KIRREL3: variants seen among roughly 807,000 people sequenced by gnomAD.
KIRREL3 encodes kin of IRRE-like protein 3.
A neutral mutation model predicts 89.7 loss-of-function variants in KIRREL3; 36 were observed. The ratio of observed to expected loss-of-function variants is 0.40; its 90% CI spans 0.31 to 0.53. The LOEUF (loss-of-function observed/expected upper bound fraction) is 0.53. Among genes scored for constraint, KIRREL3 ranks in the 20% least tolerant of loss-of-function variants. The probability of loss-of-function intolerance (pLI) is 0.49; values close to 1 mark genes in which losing one functional copy is unlikely to be tolerated. For missense variants in KIRREL3, 864 were observed against 1,056.6 expected (o/e 0.82, Z 2.53); for synonymous variants, 445 against 441.4 (o/e 1.01, Z -0.10).
At chr11:126,619,788 A>G (rs1002463841) in intron 1 of KIRREL3, among the ~76,000 whole-genome samples, 3 of 152,114 alleles carry the variant, frequency 2.0e-5, no homozygotes, top group African/African-American at 7.2e-5. Context: ...GGACCTTTTT[A>G]CTCAAGAATT....
chr11:126,786,040 T>C (rs1322429763), intron 1 of KIRREL3, among the ~76,000 whole-genome samples: 1 of 152,080 alleles, frequency 6.6e-6, no homozygotes, highest in Admixed American at 6.6e-5. Context: ...AAAATAATCC[T>C]AAGCACTAAA....
At position 126,627,887 on chromosome 11, in the gene KIRREL3, G is replaced by A. The variant is rs931626587; in HGVS notation, c.56-64975C>T. ...TGAGAGGATAGGTGGGTAGCAGTGT[G>A]GGCAGGAAAACAGCCCAGGAGTTGG... On this transcript the variant is annotated intron_variant, in intron 1 of 16. Coordinates refer to ENST00000525144, the MANE Select transcript of KIRREL3 (RefSeq NM_032531.4). This position sits in a 1 kb window ranked among gnomAD's most constrained non-coding sequence, Gnocchi z 5.0. 1.3e-5 allele frequency among the ~76,000 whole-genome samples: 2 copies of A among 152,174 alleles called. No individual in the cohort carries two copies. Among genetic ancestry groups the A allele is most frequent in the Admixed American group, 6.5e-5 (1 of 15,282 alleles).
chr11:126,937,005 T>G (rs532531541), intron 1 of KIRREL3: 40 of 152,312 alleles, frequency 2.6e-4, no homozygotes, highest in African/African-American at 9.1e-4. Context: ...GAACACTACC[T>G]ATGATTAATT....
chr11:126,659,511 C>A (rs1346975253), intron 1 of KIRREL3, among the ~76,000 whole-genome samples: 4 of 152,196 alleles, frequency 2.6e-5, no homozygotes, highest in Non-Finnish European at 5.9e-5. Context: ...TTGTCCAGAC[C>A]ACCTGATAAA....
rs1231930673 is a variant in KIRREL3, at chr11:126,870,857, A to G, written c.55+129598T>C. ...CCAGTGTAGATCTGGGCCCCTGTAC[A>G]TGTGGCAAGACCTGGAAGTGGGTTC... On this transcript the variant is annotated intron_variant, in intron 1 of 16. Transcript: ENST00000525144. This position sits in a 1 kb window ranked among gnomAD's most constrained non-coding sequence, Gnocchi z 4.4. Among the ~76,000 whole-genome samples, 1 of 121,334 alleles carries G rather than the reference A, an allele frequency of 8.2e-6. No homozygotes were observed. The highest frequency in any genetic ancestry group is 1.8e-5 in the Non-Finnish European group (1 of 54,896). 79.6% of individuals were successfully genotyped at this position (121,334 alleles called of 152,430 possible).
chr11:126,504,095 G>A (rs1363972291), intron 4 of KIRREL3, among the ~76,000 whole-genome samples: 1 of 152,130 alleles, frequency 6.6e-6, no homozygotes, highest in African/African-American at 2.4e-5. Context: ...CCAGAAATGT[G>A]CACATATATT....
chr11:126,980,128 A>G (rs937297029), intron 1 of KIRREL3, among the ~76,000 whole-genome samples: 1 of 152,248 alleles, frequency 6.6e-6, no homozygotes, highest in African/African-American at 2.4e-5. Context: ...CCTTTGAGCC[A>G]AGCCTTGAAA....
intron 1 of KIRREL3, among the ~76,000 whole-genome samples, chr11:126,749,095 G>A (rs780711001): frequency 6.6e-6 from 1 of 152,108 alleles, no homozygotes; most frequent in Non-Finnish European, 1.5e-5. Flanking sequence ...TCACTCCTCT[G>A]AGCCATGAAC....
At chr11:126,629,693 G>A (rs1943938240) in intron 1 of KIRREL3, among the ~76,000 whole-genome samples, 1 of 152,168 alleles carries the variant, frequency 6.6e-6, no homozygotes, top group East Asian at 1.9e-4. Context: ...GGACATGGGC[G>A]GAAATAGGAA....
rs998199591 is a variant in KIRREL3, at chr11:126,600,145, T to C, written c.56-37233A>G. 5.3e-5 allele frequency among the ~76,000 whole-genome samples: 8 copies of C among 152,352 alleles called. No individual in the cohort carries two copies. In the South Asian group the frequency reaches 1.7e-3, roughly 32 times the overall value. On this transcript the variant is annotated intron_variant, in intron 1 of 16. Transcript: ENST00000525144. ...AGCTGCTATATTGGAGAGGCCCATG[T>C]GGCAAGAACTTGAGTGTAGCCTGTA... is the stretch of plus-strand genomic sequence containing the variant.
rs1455877438 is a variant in KIRREL3, at chr11:126,652,092, A to T, written c.56-89180T>A. On this transcript the variant is annotated intron_variant, in intron 1 of 16. Coordinates refer to ENST00000525144, the MANE Select transcript of KIRREL3 (RefSeq NM_032531.4). This position sits in a 1 kb window ranked among gnomAD's most constrained non-coding sequence, Gnocchi z 4.9. ...TCATCAATTCTGGGCCAGGAGGAAG[A>T]TAGGCACTAGTAGGTCTGATCTGTC... 1.3e-5 allele frequency among the ~76,000 whole-genome samples: 2 copies of T among 152,196 alleles called. No homozygotes were observed. Among genetic ancestry groups the T allele is most frequent in the Admixed American group, 6.5e-5 (1 of 15,276 alleles).
chr11:126,942,025 C>T (rs956410065), intron 1 of KIRREL3, among the ~76,000 whole-genome samples: 1 of 152,194 alleles, frequency 6.6e-6, no homozygotes, highest in African/African-American at 2.4e-5. Flanking sequence ...CCAGCTCTGT[C>T]ATTTTCCAGT....
Position 126,916,646 on chromosome 11 carries a change from A to G in KIRREL3, c.55+83809T>C, listed in dbSNP as rs180876742. ...GCTATCCCTTAAAAAGCAAACAAAC[A>G]AAAAACCTGCTAATGTAGATCACGG... On this transcript the variant is annotated intron_variant, in intron 1 of 16. Transcript: ENST00000525144. Among the ~76,000 whole-genome samples, 114 of 152,334 alleles carry G rather than the reference A, an allele frequency of 7.5e-4. 1 individual carries two copies. Among genetic ancestry groups the G allele is most frequent in the Admixed American group, 4.3e-3 (66 of 15,304 alleles).
chr11:126,552,704 G>T (rs901418598), intron 2 of KIRREL3, among the ~76,000 whole-genome samples: 1 of 151,678 alleles, frequency 6.6e-6, no homozygotes, highest in African/African-American at 2.4e-5. Flanking sequence ...GGGATTACAG[G>T]CACCTGCCAC....
intron 1 of KIRREL3, among the ~76,000 whole-genome samples, chr11:126,665,484 C>A (rs570527406): frequency 1.3e-5 from 2 of 152,128 alleles, no homozygotes; most frequent in South Asian, 2.1e-4. Context: ...GGAGGTGGGG[C>A]CTTTGGGAGG....
At chr11:126,818,624 A>AGTGTGTGT (rs758712840) in intron 1 of KIRREL3, among the ~76,000 whole-genome samples, 8 of 56,658 alleles carry the variant, frequency 1.4e-4, no homozygotes, top group South Asian at 6.4e-4. Flanking sequence ...TAGTAGTAGT[A>AGTGTGTGT]GTGTGTGTGT....
chr11:126,847,583 A>G (rs1451459602), intron 1 of KIRREL3, among the ~76,000 whole-genome samples: 4 of 152,188 alleles, frequency 2.6e-5, no homozygotes, highest in African/African-American at 9.6e-5. Context: ...TGGAGAGCTG[A>G]AATGTTCATG....
chr11:126,600,654 G>GA (rs1942611291), intron 1 of KIRREL3, among the ~76,000 whole-genome samples: 1 of 152,084 alleles, frequency 6.6e-6, no homozygotes, highest in African/African-American at 2.4e-5. Flanking sequence ...TACATGATCA[G>GA]AAAAAATGGA....
At chr11:126,673,189 C>A (rs142627540) in intron 1 of KIRREL3, among the ~76,000 whole-genome samples, 1 of 152,338 alleles carries the variant, frequency 6.6e-6, no homozygotes, top group Non-Finnish European at 1.5e-5. Context: ...CGCAGGAATG[C>A]AGATGATCAG....
Sources: allele counts gnomAD v4.1 joint callset (sites outside exome capture counted in the v4.1 genomes callset), GRCh38; gene constraint gnomAD v4.1.1; non-coding constraint Gnocchi (gnomAD v3.1); transcripts MANE v1.5; gene names NCBI Gene and HGNC (gene_info 2026-07-23, HGNC 2026-07-21).